The following MYO16 variants were observed in gnomAD, a reference collection of about 807,000 sequenced individuals.
MYO16 encodes myosin XVI, also known as unconventional myosin-XVI.
MYO16 carries 94 observed loss-of-function variants against 205.3 expected under a neutral mutation model. The observed-to-expected ratio is 0.46, with a 90% CI of 0.39 to 0.54. The LOEUF is 0.54. Among genes scored for constraint, MYO16 ranks in the 20% least tolerant of loss-of-function variants. The probability of loss-of-function intolerance (pLI) is 0.00; values close to 1 mark genes in which losing one functional copy is unlikely to be tolerated. For missense variants in MYO16, 2,315 were observed against 2,387.5 expected, an observed-to-expected ratio of 0.97 and a Z score of 0.63; for synonymous variants, 988 against 954.0, an observed-to-expected ratio of 1.04 and a Z score of -0.66.
chr13:108,666,025 C>T lies in MYO16; in HGVS notation c.168C>T (p.Arg56=), dbSNP rs61745206. The T allele has an allele frequency of 5.6e-3, 9,054 of 1,614,012 alleles. 378 individuals are homozygous for T. In the African/African-American group the frequency reaches 0.1, roughly 18 times the overall value. ...RCEQIKAYYE[R]EKAFQKQEGF... Reference sequence around the variant, plus strand: ...AGCAAATCAAAGCCTACTATGAGCGCGAGAAGGCTTTTCAGAAGCAGGAAG... The same window carrying T: ...AGCAAATCAAAGCCTACTATGAGCGTGAGAAGGCTTTTCAGAAGCAGGAAG... Residue 56 remains arginine (R), a synonymous_variant, in exon 2 of 35, where the codon CGC becomes CGT. Coordinates refer to ENST00000457511, the MANE Select transcript of MYO16 (RefSeq NM_001198950.3).
rs1887174596 is a variant in MYO16, at chr13:109,049,696, T to C, written c.2873-2604T>C. Among the ~76,000 whole-genome samples the C allele has an allele frequency of 2.0e-5, 3 of 152,110 alleles. No individual in the cohort carries two copies. The East Asian group carries it at 5.8e-4, about 29-fold the overall frequency. ...GCTTATCTGTGGGTTCACTTATACA[T>C]AGACCTGCTATAACTATAAATAATT... On this transcript the variant is annotated intron_variant, in intron 24 of 34. Transcript: ENST00000457511.
rs1362707187 is a variant in MYO16 at position 108,962,470 on chromosome 13, A to C, written c.2202A>C (p.Leu734Phe). The change falls in exon 19 of 35, where the codon TTA becomes TTC. Residue 734 changes from leucine to phenylalanine, a missense_variant. Coordinates refer to ENST00000457511, the MANE Select transcript of MYO16 (RefSeq NM_001198950.3). ...CAACAGATGAATTGGCATCTGCCTTAACAACTGATATTCAATATTTTAAAG... is the reference window on the plus strand; with the variant it reads ...CAACAGATGAATTGGCATCTGCCTTCACAACTGATATTCAATATTTTAAAG... ...QVSTDELASALTTDIQYFKGD... is the reference protein window; with the variant it reads ...QVSTDELASAFTTDIQYFKGD... The C allele has an allele frequency of 1.3e-6, 2 of 1,592,232 alleles. No individual in the cohort carries two copies. Among genetic ancestry groups the C allele is most frequent in the South Asian group, 2.3e-5 (2 of 86,634 alleles).
the MYO16 span, among the ~76,000 whole-genome samples, chr13:108,536,064 C>A: frequency 5.3e-5 from 8 of 151,732 alleles, no homozygotes; most frequent in Non-Finnish European, 1.2e-4. Context: ...TGTGAGTGTG[C>A]TTACTTTGGT....
chr13:109,100,957 A>G, intron 28 of MYO16, 70 bp downstream of exon 28: 1 of 1,360,514 alleles, frequency 7.4e-7, no homozygotes, highest in Non-Finnish European at 1.0e-6. Context: ...CATTGCAGGG[A>G]GCCACCAGAA....
intron 2 of MYO16, among the ~76,000 whole-genome samples, chr13:108,701,410 G>C (rs981078673): frequency 1.3e-5 from 2 of 152,020 alleles, no homozygotes; most frequent in Non-Finnish European, 2.9e-5. Context: ...TGTTATCGTG[G>C]GAGTGGCCCC....
chr13:108,865,886 C>T (rs1361161078), intron 11 of MYO16, among the ~76,000 whole-genome samples: 1 of 151,950 alleles, frequency 6.6e-6, no homozygotes, highest in African/African-American at 2.4e-5. Flanking sequence ...TTCATTGTTT[C>T]ATTCTCACAG....
intron 15 of MYO16, among the ~76,000 whole-genome samples, chr13:108,900,286 T>A (rs902118395): frequency 3.3e-5 from 5 of 152,224 alleles, no homozygotes; most frequent in Admixed American, 6.5e-5. Flanking sequence ...CAACAATCTC[T>A]ATGAACACTT....
In MYO16 at chr13:108,824,183, T is replaced by C. The variant is rs112705392; in HGVS notation, c.1097+905T>C. Among the ~76,000 whole-genome samples, 366 of 152,136 alleles carry C rather than the reference T, an allele frequency of 2.4e-3. 2 individuals carry two copies. Among genetic ancestry groups the C allele is most frequent in the Middle Eastern group, 0.017 (5 of 294 alleles). On this transcript the variant is annotated intron_variant, in intron 9 of 34. Transcript: ENST00000457511. ...AGAAATTGTGTACCCAGAGCAATATTATAAAAAATTGATAGCACCTGTAAA... is the reference window on the plus strand; with the variant it reads ...AGAAATTGTGTACCCAGAGCAATATCATAAAAAATTGATAGCACCTGTAAA...
intron 11 of MYO16, among the ~76,000 whole-genome samples, chr13:108,860,720 G>T (rs142189844): frequency 1.2e-4 from 18 of 152,268 alleles, no homozygotes; most frequent in African/African-American, 4.3e-4. Context: ...AATAAATGGT[G>T]CTGGGACAAC....
intron 20 of MYO16, among the ~76,000 whole-genome samples, chr13:108,971,533 C>CTT (rs1362288314): frequency 6.6e-6 from 1 of 150,910 alleles, no homozygotes; most frequent in East Asian, 1.9e-4. Flanking sequence ...ATGACATCCA[C>CTT]TTTTTTGGGC....
At chr13:108,766,110 T>C (rs1885769431) in intron 4 of MYO16, among the ~76,000 whole-genome samples, 1 of 152,202 alleles carries the variant, frequency 6.6e-6, no homozygotes, top group African/African-American at 2.4e-5. Context: ...TCCTACATTA[T>C]CTGCCAAAAA....
At chr13:108,793,470 G>GAGA (rs747257831) in intron 5 of MYO16, 46 bp from the exon 6 acceptor site, 1 of 1,590,050 alleles carries the variant, frequency 6.3e-7, no homozygotes, top group South Asian at 1.1e-5. Context: ...CCCAGGAACT[G>GAGA]AGAAGTATCT....
intron 16 of MYO16, among the ~76,000 whole-genome samples, chr13:108,938,041 G>A (rs1882567525): frequency 6.6e-6 from 1 of 151,990 alleles, no homozygotes. Flanking sequence ...TTTTATGCAT[G>A]TGTTTTTTTT....
At chr13:108,651,891 A>G (rs2139402828) in intron 1 of MYO16, among the ~76,000 whole-genome samples, 1 of 152,324 alleles carries the variant, frequency 6.6e-6, no homozygotes, top group African/African-American at 2.4e-5. Flanking sequence ...ATAGACCTGC[A>G]GCTTGATTAC....
At chr13:108,640,061 A>G (rs1441577408) in intron 1 of MYO16, among the ~76,000 whole-genome samples, 4 of 152,190 alleles carry the variant, frequency 2.6e-5, no homozygotes, top group Non-Finnish European at 4.4e-5. Context: ...AGAGATGCCT[A>G]TTTGAAATAG....
chr13:108,955,812 C>T (rs910874868), intron 16 of MYO16, among the ~76,000 whole-genome samples: 6 of 152,194 alleles, frequency 3.9e-5, no homozygotes, highest in African/African-American at 1.4e-4. Context: ...GATTGCCCCA[C>T]TGCACTCCAG....
At chr13:108,534,613 T>C in the MYO16 span, among the ~76,000 whole-genome samples, 2 of 151,854 alleles carry the variant, frequency 1.3e-5, no homozygotes, top group African/African-American at 4.8e-5. Context: ...CTACTCACTC[T>C]GCTTCTACAT....
the MYO16 span, among the ~76,000 whole-genome samples, chr13:108,579,146 T>C: frequency 6.6e-6 from 1 of 152,278 alleles, no homozygotes; most frequent in South Asian, 2.1e-4. Context: ...TTGTGGAAAC[T>C]TGGACAGAGT....
In MYO16 at chr13:109,127,885, C is replaced by G. The variant is rs1876344403; in HGVS notation, c.4051+335C>G. Among the ~76,000 whole-genome samples the G allele has an allele frequency of 6.9e-6, 1 of 145,668 alleles. No homozygotes were observed. The highest frequency in any genetic ancestry group is 2.1e-4 in the South Asian group (1 of 4,658). On this transcript the variant is annotated intron_variant, in intron 31 of 34. Transcript: ENST00000457511. This position sits in a 1 kb window ranked among gnomAD's most constrained non-coding sequence, Gnocchi z 4.2. Reference sequence around the variant, plus strand: ...AAAAAAAAAAAAAAAAAAACTGCTTCAGGCATTCCAGTTATCACAATCTAA... The same window carrying G: ...AAAAAAAAAAAAAAAAAAACTGCTTGAGGCATTCCAGTTATCACAATCTAA...
Sources: gnomAD v4.1 joint callset for allele counts (sites outside exome capture counted in the v4.1 genomes callset) on GRCh38, gnomAD v4.1.1 for gene constraint, Gnocchi (gnomAD v3.1) non-coding constraint, MANE v1.5 for transcripts, NCBI Gene and HGNC (gene_info 2026-07-23, HGNC 2026-07-21) for gene names.